The following MRC1 variants were observed in gnomAD, a reference collection of about 807,000 sequenced individuals.
The protein encoded by MRC1 is mannose receptor C-type 1.
MRC1 carries 62 observed loss-of-function variants against 102.9 expected under a neutral mutation model. The ratio of observed to expected loss-of-function variants is 0.60; its 90% CI spans 0.49 to 0.74. The LOEUF is 0.74. Among genes scored for constraint, MRC1 ranks in the 30% least tolerant of loss-of-function variants. The pLI, the probability that MRC1 is intolerant of heterozygous loss-of-function variation, is 0.00. For missense variants in MRC1, 1,237 were observed against 862.8 expected, an observed-to-expected ratio of 1.43 and a Z score of -5.43; for synonymous variants, 457 against 298.4, an observed-to-expected ratio of 1.53 and a Z score of -5.48.
intron 4 of MRC1, among the ~76,000 whole-genome samples, chr10:17,834,539 C>T (rs1156717936): frequency 1.3e-5 from 2 of 151,964 alleles, no homozygotes; most frequent in Non-Finnish European, 2.9e-5. Context: ...CAGCCTCCCA[C>T]GTAGCTGGGA....
chr10:17,846,790 A>G (rs901817944), intron 6 of MRC1, among the ~76,000 whole-genome samples: 1 of 152,228 alleles, frequency 6.6e-6, no homozygotes, highest in Non-Finnish European at 1.5e-5. Flanking sequence ...TCCAAAAGCT[A>G]TTGCAGAGAC....
chr10:17,892,465 G>T (rs1476955917), intron 22 of MRC1, among the ~76,000 whole-genome samples: 2 of 152,052 alleles, frequency 1.3e-5, no homozygotes, highest in African/African-American at 4.8e-5. Context: ...CTCCAATCTG[G>T]GGGGCAGCTG....
chr10:17,894,162 G>T (rs1833719372), intron 22 of MRC1, 48 bp from the exon 23 acceptor site: 6 of 866,442 alleles, frequency 6.9e-6, no homozygotes, highest in Non-Finnish European at 1.2e-5. Context: ...GATTTCAATA[G>T]TCGTTGATTC....
rs1272658233 is a variant in MRC1 at position 17,907,625 on chromosome 10, A to G, written c.4005A>G (p.Leu1335=). ...GTGAACGGAATGATTGTGTAGCTTT[A>G]CATGCGTCTTCTGGGTTTTGGAGTA... ...PSGERNDCVA[L]HASSGFWSNI... Residue 1335 remains leucine, a synonymous_variant, in exon 28 of 30, where the codon TTA becomes TTG. Transcript: ENST00000569591. The G allele has an allele frequency of 3.8e-6, 3 of 780,768 alleles. No individual in the cohort carries two copies. The highest frequency in any genetic ancestry group is 3.4e-5 in the African/African-American group (2 of 59,138). 48.4% of individuals were successfully genotyped at this position (780,768 alleles called of 1,614,324 possible).
chr10:17,910,063 G>T (rs904621892), intron 29 of MRC1, 152 bp from the exon 30 acceptor site: 25 of 716,272 alleles, frequency 3.5e-5, no homozygotes, highest in Non-Finnish European at 4.8e-5. Flanking sequence ...TATACCACAG[G>T]GACTCTTGTT....
intron 1 of MRC1, among the ~76,000 whole-genome samples, chr10:17,821,247 C>CT (rs1838390924): frequency 6.6e-6 from 1 of 152,134 alleles, no homozygotes; most frequent in South Asian, 2.1e-4. Context: ...CTTACTCACT[C>CT]TAAGTAAGAC....
intron 2 of MRC1, among the ~76,000 whole-genome samples, chr10:17,824,204 G>A (rs1554838522): frequency 4.6e-5 from 7 of 152,144 alleles, no homozygotes; most frequent in Non-Finnish European, 1.0e-4. Flanking sequence ...ACTATCTGGT[G>A]GCTGCACAGA....
At chr10:17,839,795 A>T (rs1462074088) in intron 4 of MRC1, among the ~76,000 whole-genome samples, 1 of 152,226 alleles carries the variant, frequency 6.6e-6, no homozygotes, top group South Asian at 2.1e-4. Context: ...ATGGTGGCTC[A>T]CGCCTGTAAT....
At chr10:17,831,118 G>A (rs953345503) in intron 3 of MRC1, among the ~76,000 whole-genome samples, 3 of 149,284 alleles carry the variant, frequency 2.0e-5, no homozygotes, top group South Asian at 2.1e-4. Context: ...GGCTGATCGC[G>A]AACTCCTAAC....
intron 23 of MRC1, among the ~76,000 whole-genome samples, chr10:17,896,628 C>G (rs1451639051): frequency 2.0e-5 from 3 of 152,142 alleles, no homozygotes; most frequent in African/African-American, 7.2e-5. Flanking sequence ...AGCATATAAA[C>G]TTTTATAAAC....
chr10:17,885,386 G>A lies in MRC1; in HGVS notation c.3098G>A (p.Trp1033Ter), dbSNP rs1256623230. The stretch of plus-strand genomic sequence containing the variant: ...GGACGAGGAGTCCATTACACAAACT[G>A]GGGGAAAGGTTACCCTGGTGGAAGA... ...TDGRGVHYTN[W>*]GKGYPGGRRS... is the part of the protein sequence containing the mutation. Residue 1033 changes from tryptophan to a stop codon, truncating the protein, a stop_gained, in exon 22 of 30, where the codon TGG becomes TAG. Coordinates refer to ENST00000569591, the MANE Select transcript of MRC1 (RefSeq NM_002438.4). LOFTEE classifies it high-confidence loss of function. 1 of 780,692 alleles carries A rather than the reference G, an allele frequency of 1.3e-6. No homozygotes were observed. Among genetic ancestry groups the A allele is most frequent in the African/African-American group, 1.7e-5 (1 of 59,122 alleles). 48.4% of individuals were successfully genotyped at this position (780,692 alleles called of 1,614,324 possible).
At chr10:17,822,756 C>T (rs1401221978) in intron 1 of MRC1, among the ~76,000 whole-genome samples, 2 of 152,096 alleles carry the variant, frequency 1.3e-5, no homozygotes, top group African/African-American at 4.8e-5. Context: ...TTGTATGTTC[C>T]ACTCCTGGAC....
intron 4 of MRC1, among the ~76,000 whole-genome samples, chr10:17,838,031 T>C (rs1838695854): frequency 6.6e-6 from 1 of 151,984 alleles, no homozygotes; most frequent in Admixed American, 6.6e-5. Flanking sequence ...ACCTCATGAA[T>C]AAATATTATT....
intron 9 of MRC1, among the ~76,000 whole-genome samples, chr10:17,858,368 T>C (rs1260076053): frequency 1.3e-5 from 2 of 152,222 alleles, no homozygotes; most frequent in Non-Finnish European, 2.9e-5. Flanking sequence ...ATCTTCTCCT[T>C]GTCTTTGGCA....
At chr10:17,889,394 AC>A (rs1443246352) in intron 22 of MRC1, among the ~76,000 whole-genome samples, 1 of 152,012 alleles carries the variant, frequency 6.6e-6, no homozygotes, top group African/African-American at 2.4e-5. Flanking sequence ...CTCCTAGCAT[AC>A]CAATTATACT....
intron 8 of MRC1, among the ~76,000 whole-genome samples, chr10:17,853,602 A>T (rs1554840686): frequency 8.3e-6 from 1 of 120,818 alleles, no homozygotes; most frequent in Non-Finnish European, 1.8e-5. Flanking sequence ...GTGTGTGTGT[A>T]TATATATATA....
In MRC1 at chr10:17,875,312, G is replaced by T. The variant is rs948727592; in HGVS notation, c.2550+59G>T. ...AGTTTTTGGGGAACAGGTGTTGTTT[G>T]GTTGTATGGAAAAGTTCTTTAGTGG... On this transcript the variant is annotated intron_variant, in intron 17 of 29. Transcript: ENST00000569591. 8 of 773,212 alleles carry T rather than the reference G, an allele frequency of 1.0e-5. No homozygotes were observed. The African/African-American group carries it at 1.4e-4, about 13-fold the overall frequency. The allele number at this position is 773,212 out of a possible 1,614,324, so 47.9% of individuals were successfully genotyped here. A position where few individuals can be genotyped will look rare whatever the true frequency, so the allele number is the denominator to read the frequency against.
At chr10:17,876,101 C>G (rs1833433221) in intron 17 of MRC1, among the ~76,000 whole-genome samples, 5 of 152,032 alleles carry the variant, frequency 3.3e-5, no homozygotes, top group Admixed American at 2.6e-4. Context: ...ACAATTGGTA[C>G]CCCCTAGTAG....
chr10:17,838,352 C>T (rs534418758), intron 4 of MRC1, among the ~76,000 whole-genome samples: 2 of 152,262 alleles, frequency 1.3e-5, no homozygotes, highest in East Asian at 3.9e-4. Context: ...GCTGTTTTAT[C>T]GTCTTCCCTT....
Sources: allele counts gnomAD v4.1 joint callset (sites outside exome capture counted in the v4.1 genomes callset), GRCh38; gene constraint gnomAD v4.1.1; transcripts MANE v1.5; gene names NCBI Gene and HGNC (gene_info 2026-07-23, HGNC 2026-07-21).